Variants in TMX3 observed in about 807,000 individuals in gnomAD.
TMX3 encodes the protein protein disulfide-isomerase TMX3.
TMX3 carries 40 observed loss-of-function variants against 64.4 expected under a neutral mutation model. The observed-to-expected ratio is 0.62, with a 90% CI of 0.48 to 0.81. The LOEUF is 0.81. Among genes scored for constraint, TMX3 ranks in the 30% least tolerant of loss-of-function variants. TMX3 has a pLI of 0.00. For missense variants in TMX3, 497 were observed against 534.5 expected (o/e 0.93, Z 0.69); for synonymous variants, 189 against 175.7 (o/e 1.08, Z -0.60).
intron 4 of TMX3, among the ~76,000 whole-genome samples, chr18:68,703,735 C>T (rs899462252): frequency 3.3e-5 from 5 of 152,070 alleles, no homozygotes; most frequent in African/African-American, 1.2e-4. Context: ...TCAAGACTGT[C>T]CTGGCTAACA....
At chr18:68,700,638 A>G (rs999095508) in intron 5 of TMX3, 153 bp from the exon 6 acceptor site, 3 of 778,240 alleles carry the variant, frequency 3.9e-6, no homozygotes, top group Non-Finnish European at 4.7e-6. Flanking sequence ...TATGGTAGAC[A>G]TTAGGCTTGC....
chr18:68,676,854 C>A lies in TMX3; in HGVS notation c.*79G>T. The A allele has an allele frequency of 6.6e-7, 1 of 1,504,918 alleles. No individual in the cohort carries two copies. The highest frequency in any genetic ancestry group is 1.3e-5 in the South Asian group (1 of 76,228). 93.2% of individuals were successfully genotyped at this position (1,504,918 alleles called of 1,614,324 possible). On this transcript the variant is annotated 3_prime_UTR_variant, in exon 16 of 16. Transcript: ENST00000299608. The stretch of plus-strand genomic sequence containing the variant: ...ATAACATGTTCTTTTCTGTAAAGAT[C>A]ATGATTAAATGTCTAAATTCAATAA...
intron 4 of TMX3, among the ~76,000 whole-genome samples, chr18:68,706,923 T>C (rs2030733531): frequency 6.6e-6 from 1 of 152,254 alleles, no homozygotes; most frequent in African/African-American, 2.4e-5. Flanking sequence ...CCCTTGGTGC[T>C]AATATTTAAG....
At chr18:68,695,132 GT>G in intron 8 of TMX3, among the ~76,000 whole-genome samples, 1 of 152,170 alleles carries the variant, frequency 6.6e-6, no homozygotes, top group East Asian at 1.9e-4. Flanking sequence ...CACCAATGAG[GT>G]TTTTCTCCCC....
At chr18:68,699,232 G>A (rs1915434485) in intron 6 of TMX3, among the ~76,000 whole-genome samples, 1 of 151,984 alleles carries the variant, frequency 6.6e-6, no homozygotes, top group South Asian at 2.1e-4. Context: ...TGCAACTCCA[G>A]AACTGACTCC....
intron 4 of TMX3, among the ~76,000 whole-genome samples, chr18:68,703,118 G>C (rs1327494041): frequency 6.6e-6 from 1 of 152,166 alleles, no homozygotes; most frequent in African/African-American, 2.4e-5. Flanking sequence ...TGTGGGTATG[G>C]AGACTGCTTT....
At position 68,691,365 on chromosome 18, in the gene TMX3, C is replaced by A; in HGVS notation, c.571-4G>T. The stretch of plus-strand genomic sequence containing the variant: ...GCATCTCTTTTAGTGTCACATACTG[C>A]AAAAAATCAGAAGTTTAAATAACTT... On this transcript the variant is annotated splice_region_variant and splice_polypyrimidine_tract_variant and intron_variant, in intron 8 of 15. Transcript: ENST00000299608. The A allele has an allele frequency of 6.7e-7, 1 of 1,487,280 alleles. No individual in the cohort carries two copies. The highest frequency in any genetic ancestry group is 9.0e-7 in the Non-Finnish European group (1 of 1,110,660). The allele number at this position is 1,487,280 out of a possible 1,614,324, so 92.1% of individuals were successfully genotyped here.
At chr18:68,684,533 A>T in intron 10 of TMX3, 48 bp from the exon 11 acceptor site, 1 of 1,503,308 alleles carries the variant, frequency 6.7e-7, no homozygotes, top group Non-Finnish European at 9.2e-7. Context: ...TTATTACACA[A>T]ACTGTTCAAT....
At chr18:68,684,517 T>A in intron 10 of TMX3, 32 bp from the exon 11 acceptor site, 2 of 1,581,124 alleles carry the variant, frequency 1.3e-6, no homozygotes, top group Non-Finnish European at 1.7e-6. Context: ...CTGAATTCAA[T>A]CACCCTTATT....
chr18:68,713,823 T>TA, intron 2 of TMX3, 23 bp downstream of exon 2: 1 of 1,204,616 alleles, frequency 8.3e-7, no homozygotes, highest in Non-Finnish European at 1.1e-6. Context: ...AATAATATTT[T>TA]AAATATATAT....
chr18:68,687,935 T>C lies in TMX3; in HGVS notation c.638-170A>G, dbSNP rs183025062. 2.8e-4 allele frequency: 113 copies of C among 409,716 alleles called. 1 individual carries two copies. The East Asian group carries it at 4.2e-3, about 15-fold the overall frequency. The allele number at this position is 409,716 out of a possible 1,614,324, so 25.4% of individuals were successfully genotyped here. A position where few individuals can be genotyped will look rare whatever the true frequency, so the allele number is the denominator to read the frequency against. Reference sequence around the variant, plus strand: ...ACAATCAAATGTACAGAAGGATTAATGCACAAAGCAATCTTCATTATAGCA... The same window carrying C: ...ACAATCAAATGTACAGAAGGATTAACGCACAAAGCAATCTTCATTATAGCA... On this transcript the variant is annotated intron_variant, in intron 9 of 15. Coordinates refer to ENST00000299608, the MANE Select transcript of TMX3 (RefSeq NM_019022.5).
At chr18:68,692,805 A>G (rs1333005906) in intron 8 of TMX3, among the ~76,000 whole-genome samples, 2 of 152,234 alleles carry the variant, frequency 1.3e-5, no homozygotes, top group East Asian at 3.9e-4. Flanking sequence ...AGTAATACAC[A>G]AATACTAAAT....
Position 68,687,671 on chromosome 18 carries a change from G to A in TMX3, c.732C>T (p.Asp244=), listed in dbSNP as rs936151696. ...MDGFLLYELG[D]TGKLVALAVI... ...ACTTGTACATATGCTTGTTACCTGT[G>A]TCTCCAAGTTCATACAAGAGGAAGC... Residue 244 remains aspartate, a synonymous_variant, in exon 10 of 16, where the codon GAC becomes GAT. Coordinates refer to ENST00000299608, the MANE Select transcript of TMX3 (RefSeq NM_019022.5). The A allele has an allele frequency of 1.9e-6, 3 of 1,607,372 alleles. No homozygotes were observed. Among genetic ancestry groups the A allele is most frequent in the Admixed American group, 3.4e-5 (2 of 58,410 alleles).
chr18:68,676,856 T>C lies in TMX3; in HGVS notation c.*77A>G, dbSNP rs1200404653. The C allele has an allele frequency of 9.9e-6, 15 of 1,513,174 alleles. No homozygotes were observed. The highest frequency in any genetic ancestry group is 1.3e-5 in the Non-Finnish European group (15 of 1,126,800). 93.7% of individuals were successfully genotyped at this position (1,513,174 alleles called of 1,614,324 possible). On this transcript the variant is annotated 3_prime_UTR_variant, in exon 16 of 16. Coordinates refer to ENST00000299608, the MANE Select transcript of TMX3 (RefSeq NM_019022.5). ...AACATGTTCTTTTCTGTAAAGATCA[T>C]GATTAAATGTCTAAATTCAATAAAT...
chr18:68,683,738 T>C (rs960656612), intron 12 of TMX3, among the ~76,000 whole-genome samples: 11 of 152,130 alleles, frequency 7.2e-5, no homozygotes, highest in African/African-American at 2.2e-4. Context: ...TAAAATGCAA[T>C]GTGCTATACA....
At position 68,700,780 on chromosome 18, in the gene TMX3, G is replaced by C. The variant is rs1189124799; in HGVS notation, c.312-295C>G. 3.0e-6 allele frequency: 3 copies of C among 985,060 alleles called. No homozygotes were observed. In the African/African-American group the frequency reaches 5.2e-5, roughly 17 times the overall value. 61.0% of individuals were successfully genotyped at this position (985,060 alleles called of 1,614,324 possible). On this transcript the variant is annotated intron_variant, in intron 5 of 15. Coordinates refer to ENST00000299608, the MANE Select transcript of TMX3 (RefSeq NM_019022.5). ...ATAATCTACACATTCATGGTCAAGA[G>C]CTTGGAAAATTAAAGTACTATAATT... is the stretch of plus-strand genomic sequence containing the variant.
chr18:68,684,057 C>T (rs1226451558), intron 12 of TMX3, 133 bp downstream of exon 12: 10 of 710,500 alleles, frequency 1.4e-5, no homozygotes, highest in Admixed American at 1.3e-4. Flanking sequence ...TGTGGATAAG[C>T]GAGGATTACT....
In TMX3 at chr18:68,710,131, C is replaced by G. The variant is rs1317266601; in HGVS notation, c.155G>C (p.Trp52Ser). The G allele has an allele frequency of 6.4e-7, 1 of 1,562,684 alleles. No homozygotes were observed. The highest frequency in any genetic ancestry group is 8.6e-7 in the Non-Finnish European group (1 of 1,159,332). ...DIWLVDFYAP[W>S]CGHCKKLEPI... Reference sequence around the variant, plus strand: ...TTCCAGCTTTTTACAATGGCCACACCATGGCGCATAAAACTTGTTTTAAAA... The same window carrying G: ...TTCCAGCTTTTTACAATGGCCACACGATGGCGCATAAAACTTGTTTTAAAA... Residue 52 changes from tryptophan (W) to serine (S), a missense_variant, in exon 4 of 16, where the codon TGG (tryptophan) becomes TCG (serine). Coordinates refer to ENST00000299608, the MANE Select transcript of TMX3 (RefSeq NM_019022.5).
chr18:68,674,455 A>G lies in TMX3; in HGVS notation c.*2478T>C, dbSNP rs1228630609. ...AAGTTATAAAGAGAACTTCACTGCA[A>G]TTAAAAGAGAAGGCAAAAATTCCAA... On this transcript the variant is annotated 3_prime_UTR_variant, in exon 16 of 16. Transcript: ENST00000299608. The G allele has an allele frequency of 6.7e-6, 1 of 149,960 alleles. No homozygotes were observed. The highest frequency in any genetic ancestry group is 1.5e-5 in the Non-Finnish European group (1 of 67,336). 9.3% of individuals were successfully genotyped at this position (149,960 alleles called of 1,614,324 possible).
Sources: gnomAD v4.1 joint callset for allele counts (sites outside exome capture counted in the v4.1 genomes callset) on GRCh38, gnomAD v4.1.1 for gene constraint, MANE v1.5 for transcripts, NCBI Gene and HGNC (gene_info 2026-07-23, HGNC 2026-07-21) for gene names.